TLX2: variants seen among roughly 807,000 people sequenced by gnomAD.
TLX2 encodes the protein T cell leukemia homeobox 2.
In TLX2, 15 loss-of-function variants were observed where a neutral mutation model predicts 21.7. The observed-to-expected ratio is 0.69, with a 90% CI of 0.46 to 1.07. TLX2 has a LOEUF of 1.07. Ranked by LOEUF, TLX2 falls within the 50% of genes least tolerant of loss-of-function variation. The probability of loss-of-function intolerance (pLI) is 0.00; values close to 1 mark genes in which losing one functional copy is unlikely to be tolerated. For synonymous variants in TLX2, 213 were observed against 193.1 expected, an observed-to-expected ratio of 1.10 and a Z score of -0.85; for missense variants, 384 against 409.1, an observed-to-expected ratio of 0.94 and a Z score of 0.53.
In TLX2 at chr2:74,514,937, A is replaced by T. The variant is rs1274808973; in HGVS notation, c.131A>T (p.His44Leu). ...GGCCTGGGTCGCGGGGGCCAGGGTC[A>T]TGGGGAGAATGGGGCGTTCTCGGGT... ...GLGLGRGGQG[H>L]GENGAFSGGY... Residue 44 changes from histidine (H) to leucine (L), a missense_variant, in exon 1 of 3, where the codon CAT becomes CTT. His to Leu is a moderately conservative substitution (Grantham distance 99). Transcript: ENST00000233638. This position sits in a 1 kb window ranked among gnomAD's most constrained non-coding sequence, Gnocchi z 5.0. 7.5e-6 allele frequency: 12 copies of T among 1,600,314 alleles called. No individual in the cohort carries two copies. The highest frequency in any genetic ancestry group is 1.0e-5 in the Non-Finnish European group (12 of 1,174,260).
rs941313567 is a variant in TLX2, at chr2:74,515,018, G to T, written c.212G>T (p.Gly71Val). 3 of 1,528,582 alleles carry T rather than the reference G, an allele frequency of 2.0e-6. No individual in the cohort carries two copies. In the African/African-American group the frequency reaches 4.3e-5, roughly 22 times the overall value. 94.7% of individuals were successfully genotyped at this position (1,528,582 alleles called of 1,614,324 possible). The change falls in exon 1 of 3, where the codon GGC (glycine) becomes GTC (valine). Residue 71 changes from glycine (G) to valine (V), a missense_variant. Coordinates refer to ENST00000233638, the MANE Select transcript of TLX2 (RefSeq NM_016170.5). The surrounding 1 kb of genome is among the most constrained non-coding windows in gnomAD (Gnocchi z 6.6). Reference protein sequence around the residue: ...GPAGSLAPLPGSSGVGPGGVI... With the variant: ...GPAGSLAPLPVSSGVGPGGVI... ...GCCGGCTCACTTGCCCCGCTGCCCGGCAGCTCCGGAGTGGGCCCAGGCGGC... is the reference window on the plus strand; with the variant it reads ...GCCGGCTCACTTGCCCCGCTGCCCGTCAGCTCCGGAGTGGGCCCAGGCGGC...
Position 74,515,240 on chromosome 2 carries a change from G to A in TLX2, c.400+34G>A. ...GTCTGACCCCTCCAGCGTCACGCCCGACTCTGACCCCGTCTCCTCATTTCT... is the reference window on the plus strand; with the variant it reads ...GTCTGACCCCTCCAGCGTCACGCCCAACTCTGACCCCGTCTCCTCATTTCT... On this transcript the variant is annotated intron_variant, in intron 1 of 2. Transcript: ENST00000233638. This position sits in a 1 kb window ranked among gnomAD's most constrained non-coding sequence, Gnocchi z 6.6. The A allele has an allele frequency of 1.3e-6, 2 of 1,536,402 alleles. No homozygotes were observed. The highest frequency in any genetic ancestry group is 1.7e-6 in the Non-Finnish European group (2 of 1,146,930).
In TLX2 at chr2:74,516,163, G is replaced by A; in HGVS notation, c.829G>A (p.Val277Met). ...PWAEDNKVASVSGLASVV is the reference protein window; with the variant it reads ...PWAEDNKVASMSGLASVV The stretch of plus-strand genomic sequence containing the variant: ...GGCCGAGGACAACAAAGTGGCTTCA[G>A]TGTCCGGGCTCGCCTCGGTGGTGTG... Residue 277 changes from valine (V) to methionine (M), a missense_variant, in exon 3 of 3, where the codon GTG becomes ATG. Physicochemically the swap from Val to Met is conservative, Grantham distance 21. Transcript: ENST00000233638. The A allele has an allele frequency of 6.2e-7, 1 of 1,610,782 alleles. No individual in the cohort carries two copies. The highest frequency in any genetic ancestry group is 8.5e-7 in the Non-Finnish European group (1 of 1,179,090).
rs747470916 is a variant in TLX2, at chr2:74,515,940, G to A, written c.639-33G>A. On this transcript the variant is annotated intron_variant, in intron 2 of 2. Transcript: ENST00000233638. The surrounding 1 kb of genome is among the most constrained non-coding windows in gnomAD (Gnocchi z 6.6). ...GGCCTGGTGAGAAGCGACGCGGCGG[G>A]CGCCCCGCTGACCCCGCGTCTCCCT... 4 of 1,489,792 alleles carry A rather than the reference G, an allele frequency of 2.7e-6. No homozygotes were observed. Among genetic ancestry groups the A allele is most frequent in the Non-Finnish European group, 3.5e-6 (4 of 1,127,782 alleles). 92.3% of individuals were successfully genotyped at this position (1,489,792 alleles called of 1,614,324 possible). A position where few individuals can be genotyped will look rare whatever the true frequency, so the allele number is the denominator to read the frequency against.
rs762417338 is a variant in TLX2 at position 74,515,655 on chromosome 2, G to A, written c.423G>A (p.Gly141=). 10 of 1,612,152 alleles carry A rather than the reference G, an allele frequency of 6.2e-6. No individual in the cohort carries two copies. Among genetic ancestry groups the A allele is most frequent in the South Asian group, 4.4e-5 (4 of 90,986 alleles). ...RLTAALSPFS[G]TRRIGHPYQN... is the part of the protein sequence containing the mutation. ...TAGCTGCGCTCTCGCCCTTCTCTGG[G>A]ACGCGCCGCATAGGCCACCCCTACC... is the stretch of plus-strand genomic sequence containing the variant. Residue 141 remains glycine, a synonymous_variant, in exon 2 of 3, where the codon GGG becomes GGA. Coordinates refer to ENST00000233638, the MANE Select transcript of TLX2 (RefSeq NM_016170.5). The surrounding 1 kb of genome is among the most constrained non-coding windows in gnomAD (Gnocchi z 6.6).
At position 74,516,654 on chromosome 2, in the gene TLX2, G is replaced by A; in HGVS notation, c.*465G>A. The A allele has an allele frequency of 1.9e-6, 1 of 521,418 alleles. No individual in the cohort carries two copies. The allele number at this position is 521,418 out of a possible 1,614,324, so 32.3% of individuals were successfully genotyped here. A position where few individuals can be genotyped will look rare whatever the true frequency, so the allele number is the denominator to read the frequency against. ...ACCGACCACGGCGAAGCAATAGAGG[G>A]GGTGCTGGAGCGCGAGAGGCTGGCT... On this transcript the variant is annotated 3_prime_UTR_variant, in exon 3 of 3. Transcript: ENST00000233638.
chr2:74,514,468 A>G lies in TLX2; in HGVS notation c.-339A>G. The G allele has an allele frequency of 8.4e-7, 1 of 1,184,594 alleles. No homozygotes were observed. The highest frequency in any genetic ancestry group is 1.6e-5 in the South Asian group (1 of 63,186). The allele number at this position is 1,184,594 out of a possible 1,614,324, so 73.4% of individuals were successfully genotyped here. On this transcript the variant is annotated 5_prime_UTR_variant, in exon 1 of 3. Coordinates refer to ENST00000233638, the MANE Select transcript of TLX2 (RefSeq NM_016170.5). The surrounding 1 kb of genome is among the most constrained non-coding windows in gnomAD (Gnocchi z 5.0). ...ATCCGTCAGTCACTGCCCCAGCCGG[A>G]GCTGGCCAACCCTCTCCACCCGGGA...
rs751887102 is a variant in TLX2 at position 74,515,063 on chromosome 2, ACCGCCCGCTGCCTGTGCCG to A, written c.268_286del (p.Pro90GlyfsTer18). On this transcript the variant is annotated frameshift_variant, in exon 1 of 3. Transcript: ENST00000233638. LOFTEE classifies it high-confidence loss of function. This position sits in a 1 kb window ranked among gnomAD's most constrained non-coding sequence, Gnocchi z 6.6. ...GGCGGCGTGATCCGCGTCCCTGCGC[ACCGCCCGCTGCCTGTGCCG>A]CCGCCCGCTGGGGGGGCGCCTGCAG... 2.6e-6 allele frequency: 4 copies of A among 1,523,012 alleles called. No homozygotes were observed. Among genetic ancestry groups the A allele is most frequent in the Admixed American group, 2.1e-5 (1 of 47,100 alleles). 94.3% of individuals were successfully genotyped at this position (1,523,012 alleles called of 1,614,324 possible).
rs554875663 is a variant in TLX2 at position 74,515,251 on chromosome 2, C to G, written c.400+45C>G. ...CCAGCGTCACGCCCGACTCTGACCC[C>G]GTCTCCTCATTTCTTAGCTTTCTGC... On this transcript the variant is annotated intron_variant, in intron 1 of 2. Transcript: ENST00000233638. This position sits in a 1 kb window ranked among gnomAD's most constrained non-coding sequence, Gnocchi z 6.6. 6.5e-7 allele frequency: 1 copy of G among 1,535,486 alleles called. No individual in the cohort carries two copies.
rs1674848537 is a variant in TLX2, at chr2:74,515,064, C to T, written c.258C>T (p.His86=). 2.6e-6 allele frequency: 4 copies of T among 1,520,440 alleles called. No homozygotes were observed. In the East Asian group the frequency reaches 1.0e-4, roughly 40 times the overall value. 94.2% of individuals were successfully genotyped at this position (1,520,440 alleles called of 1,614,324 possible). ...GPGGVIRVPA[H]RPLPVPPPAG... The stretch of plus-strand genomic sequence containing the variant: ...GCGGCGTGATCCGCGTCCCTGCGCA[C>T]CGCCCGCTGCCTGTGCCGCCGCCCG... The change falls in exon 1 of 3, where the codon CAC becomes CAT. Residue 86 remains histidine, a synonymous_variant. Coordinates refer to ENST00000233638, the MANE Select transcript of TLX2 (RefSeq NM_016170.5). This position sits in a 1 kb window ranked among gnomAD's most constrained non-coding sequence, Gnocchi z 6.6.
chr2:74,515,378 G>A lies in TLX2; in HGVS notation c.400+172G>A, dbSNP rs1674858040. Among the ~76,000 whole-genome samples, 1 of 152,176 alleles carries A rather than the reference G, an allele frequency of 6.6e-6. No individual in the cohort carries two copies. Among genetic ancestry groups the A allele is most frequent in the Admixed American group, 6.5e-5 (1 of 15,288 alleles). On this transcript the variant is annotated intron_variant, in intron 1 of 2. Coordinates refer to ENST00000233638, the MANE Select transcript of TLX2 (RefSeq NM_016170.5). The surrounding 1 kb of genome is among the most constrained non-coding windows in gnomAD (Gnocchi z 6.6). ...CTGCCTCCGAGAGGTGATGGGGAGG[G>A]AGCTGCCGTCGGTGCCCGCGCCCTC...
In TLX2 at chr2:74,516,440, G is replaced by C. The variant is rs1173061385; in HGVS notation, c.*251G>C. ...CCCTCGCTGGAACCTGAGGCGCCGA[G>C]AGGGCGGGACCTGCAGGACAGTAGC... On this transcript the variant is annotated 3_prime_UTR_variant, in exon 3 of 3. Coordinates refer to ENST00000233638, the MANE Select transcript of TLX2 (RefSeq NM_016170.5). The C allele has an allele frequency of 4.3e-6, 6 of 1,389,926 alleles. No homozygotes were observed. Among genetic ancestry groups the C allele is most frequent in the Non-Finnish European group, 5.6e-6 (6 of 1,068,362 alleles). The allele number at this position is 1,389,926 out of a possible 1,614,324, so 86.1% of individuals were successfully genotyped here. A position where few individuals can be genotyped will look rare whatever the true frequency, so the allele number is the denominator to read the frequency against.
rs1261780745 is a variant in TLX2 at position 74,514,996 on chromosome 2, G to T, written c.190G>T (p.Gly64Cys). 2.6e-6 allele frequency: 4 copies of T among 1,541,016 alleles called. No individual in the cohort carries two copies. In the Admixed American group the frequency reaches 8.0e-5, roughly 31 times the overall value. ...YHGASGYGPAGSLAPLPGSSG... is the reference protein window; with the variant it reads ...YHGASGYGPACSLAPLPGSSG... ...CGGAGCCTCGGGCTACGGTCCCGCC[G>T]GCTCACTTGCCCCGCTGCCCGGCAG... is the stretch of plus-strand genomic sequence containing the variant. The change falls in exon 1 of 3, where the codon GGC (glycine) becomes TGC (cysteine). Residue 64 changes from glycine (G) to cysteine (C), a missense_variant. Physicochemically the swap from Gly to Cys is radical, Grantham distance 159. Coordinates refer to ENST00000233638, the MANE Select transcript of TLX2 (RefSeq NM_016170.5). The surrounding 1 kb of genome is among the most constrained non-coding windows in gnomAD (Gnocchi z 5.0).
Position 74,514,799 on chromosome 2 carries a change from C to T in TLX2, c.-8C>T, listed in dbSNP as rs757961853. The T allele has an allele frequency of 1.2e-6, 2 of 1,612,384 alleles. No homozygotes were observed. Among genetic ancestry groups the T allele is most frequent in the African/African-American group, 1.3e-5 (1 of 74,832 alleles). On this transcript the variant is annotated 5_prime_UTR_variant, in exon 1 of 3. Transcript: ENST00000233638. This position sits in a 1 kb window ranked among gnomAD's most constrained non-coding sequence, Gnocchi z 5.0. ...CGAACCTCCGGCGGTTCTCCTCGGC[C>T]CAGACCGATGGAGCCGGGGATGCTG...
rs1175265958 is a variant in TLX2 at position 74,515,567 on chromosome 2, C to T, written c.401-66C>T. The stretch of plus-strand genomic sequence containing the variant: ...GAGTTCTGCGGCCTGGACAGCCGCG[C>T]GGCCTTCTCAGTGGCACCTCGGGCC... On this transcript the variant is annotated intron_variant, in intron 1 of 2. Coordinates refer to ENST00000233638, the MANE Select transcript of TLX2 (RefSeq NM_016170.5). This position sits in a 1 kb window ranked among gnomAD's most constrained non-coding sequence, Gnocchi z 6.6. 1.4e-6 allele frequency: 2 copies of T among 1,474,116 alleles called. No individual in the cohort carries two copies. The highest frequency in any genetic ancestry group is 2.3e-5 in the East Asian group (1 of 43,704). The allele number at this position is 1,474,116 out of a possible 1,614,324, so 91.3% of individuals were successfully genotyped here.
chr2:74,515,042 G>A lies in TLX2; in HGVS notation c.236G>A (p.Gly79Asp). The change falls in exon 1 of 3, where the codon GGC (glycine) becomes GAC (aspartate). Residue 79 changes from glycine (G) to aspartate (D), a missense_variant. Transcript: ENST00000233638. This position sits in a 1 kb window ranked among gnomAD's most constrained non-coding sequence, Gnocchi z 6.6. ...GGCAGCTCCGGAGTGGGCCCAGGCG[G>A]CGTGATCCGCGTCCCTGCGCACCGC... ...LPGSSGVGPG[G>D]VIRVPAHRPL... The A allele has an allele frequency of 1.3e-6, 2 of 1,519,214 alleles. No homozygotes were observed. Among genetic ancestry groups the A allele is most frequent in the Non-Finnish European group, 1.8e-6 (2 of 1,135,024 alleles). The allele number at this position is 1,519,214 out of a possible 1,614,324, so 94.1% of individuals were successfully genotyped here. A position where few individuals can be genotyped will look rare whatever the true frequency, so the allele number is the denominator to read the frequency against.
At position 74,516,128 on chromosome 2, in the gene TLX2, T is replaced by G; in HGVS notation, c.794T>G (p.Leu265Arg). 1 of 1,610,958 alleles carries G rather than the reference T, an allele frequency of 6.2e-7. No homozygotes were observed. Among genetic ancestry groups the G allele is most frequent in the Non-Finnish European group, 8.5e-7 (1 of 1,179,184 alleles). ...TCGTCGCTCTTCGCGCTGCAGAACC[T>G]GCAGCCCTGGGCCGAGGACAACAAA... ...HNSSLFALQN[L>R]QPWAEDNKVA... Residue 265 changes from leucine (L) to arginine (R), a missense_variant, in exon 3 of 3, where the codon CTG becomes CGG. Physicochemically the swap from Leu to Arg is moderately radical, Grantham distance 102. Transcript: ENST00000233638.
chr2:74,516,648 T>A lies in TLX2; in HGVS notation c.*459T>A. 1.7e-6 allele frequency: 1 copy of A among 585,622 alleles called. No homozygotes were observed. Among genetic ancestry groups the A allele is most frequent in the Non-Finnish European group, 2.3e-6 (1 of 438,884 alleles). The allele number at this position is 585,622 out of a possible 1,614,324, so 36.3% of individuals were successfully genotyped here. ...GAAGACACCGACCACGGCGAAGCAA[T>A]AGAGGGGGTGCTGGAGCGCGAGAGG... is the stretch of plus-strand genomic sequence containing the variant. On this transcript the variant is annotated 3_prime_UTR_variant, in exon 3 of 3. Coordinates refer to ENST00000233638, the MANE Select transcript of TLX2 (RefSeq NM_016170.5).
At position 74,516,175 on chromosome 2, in the gene TLX2, G is replaced by A; in HGVS notation, c.841G>A (p.Ala281Thr). The change falls in exon 3 of 3, where the codon GCC (alanine) becomes ACC (threonine). Residue 281 changes from alanine to threonine, a missense_variant. Coordinates refer to ENST00000233638, the MANE Select transcript of TLX2 (RefSeq NM_016170.5). Reference protein sequence around the residue: ...DNKVASVSGLASVV With the variant: ...DNKVASVSGLTSVV ...CAAAGTGGCTTCAGTGTCCGGGCTC[G>A]CCTCGGTGGTGTGAGCGACGCCCGT... 1.2e-6 allele frequency: 2 copies of A among 1,609,640 alleles called. No individual in the cohort carries two copies. The highest frequency in any genetic ancestry group is 1.7e-6 in the Non-Finnish European group (2 of 1,178,698).
Sources: allele counts gnomAD v4.1 joint callset (sites outside exome capture counted in the v4.1 genomes callset), GRCh38; gene constraint gnomAD v4.1.1; non-coding constraint Gnocchi (gnomAD v3.1); transcripts MANE v1.5; gene names NCBI Gene and HGNC (gene_info 2026-07-23, HGNC 2026-07-21).